POLR3B: variants seen among roughly 807,000 people sequenced by gnomAD.
POLR3B encodes the protein DNA-directed RNA polymerase III subunit RPC2.
In POLR3B, 96 loss-of-function variants were observed where a neutral mutation model predicts 147.4. The ratio of observed to expected loss-of-function variants is 0.65; its 90% CI spans 0.55 to 0.77. The LOEUF (loss-of-function observed/expected upper bound fraction) is 0.77, where lower values mean the gene tolerates loss of function less well. Among genes scored for constraint, POLR3B ranks in the 30% least tolerant of loss-of-function variants. The probability of loss-of-function intolerance (pLI) is 0.00; values close to 1 mark genes in which losing one functional copy is unlikely to be tolerated. For synonymous variants in POLR3B, 461 were observed against 485.9 expected, an observed-to-expected ratio of 0.95 and a Z score of 0.67; for missense variants, 1,036 against 1,413.5, an observed-to-expected ratio of 0.73 and a Z score of 4.28.
chr12:106,360,242 G>A (rs2036451228), intron 1 of POLR3B, among the ~76,000 whole-genome samples: 1 of 152,118 alleles, frequency 6.6e-6, no homozygotes, highest in African/African-American at 2.4e-5. Context: ...TTGCTCCCTT[G>A]GTTAAAGTTC....
intron 26 of POLR3B, 77 bp downstream of exon 26, chr12:106,501,513 C>A: frequency 2.2e-6 from 2 of 897,138 alleles, no homozygotes; most frequent in Non-Finnish European, 3.6e-6. Context: ...TGGCAAAAAG[C>A]AGACTCAACA....
At chr12:106,440,266 A>G (rs2037632538) in intron 18 of POLR3B, among the ~76,000 whole-genome samples, 1 of 151,850 alleles carries the variant, frequency 6.6e-6, no homozygotes, top group African/African-American at 2.4e-5. Context: ...CTTTTTCACT[A>G]CCTCAATCCA....
At chr12:106,379,933 A>C (rs1565878313) in intron 8 of POLR3B, 98 bp from the exon 9 acceptor site, 1 of 741,716 alleles carries the variant, frequency 1.3e-6, no homozygotes, top group Non-Finnish European at 2.4e-6. Flanking sequence ...GTTGTTGATC[A>C]GTTGACCCTT....
intron 14 of POLR3B, among the ~76,000 whole-genome samples, chr12:106,431,743 C>T (rs2037513867): frequency 6.6e-6 from 1 of 152,172 alleles, no homozygotes; most frequent in Admixed American, 6.5e-5. Context: ...AGTTGTCCCA[C>T]TGTTGTCTTT....
intron 9 of POLR3B, among the ~76,000 whole-genome samples, chr12:106,387,806 A>G (rs1159681707): frequency 6.6e-6 from 1 of 152,166 alleles, no homozygotes; most frequent in Non-Finnish European, 1.5e-5. Context: ...TAACTCATCT[A>G]TTAAGGTGAG....
chr12:106,449,006 C>T (rs952266194), intron 19 of POLR3B, among the ~76,000 whole-genome samples: 2 of 151,970 alleles, frequency 1.3e-5, no homozygotes, highest in Middle Eastern at 3.2e-3. Flanking sequence ...TCAGGAGCTC[C>T]GTTACTTATT....
intron 20 of POLR3B, among the ~76,000 whole-genome samples, chr12:106,455,075 CT>C (rs2037847514): frequency 6.6e-6 from 1 of 152,044 alleles, no homozygotes; most frequent in Non-Finnish European, 1.5e-5. Flanking sequence ...AACAACAAAC[CT>C]GTTTGAGAGG....
chr12:106,418,527 A>G (rs1288360089), intron 12 of POLR3B, among the ~76,000 whole-genome samples: 1 of 152,242 alleles, frequency 6.6e-6, no homozygotes, highest in Non-Finnish European at 1.5e-5. Flanking sequence ...ACGCCTAATT[A>G]GAATTCTCTG....
chr12:106,380,997 A>G lies in POLR3B; in HGVS notation c.723+858A>G, dbSNP rs117843754. On this transcript the variant is annotated intron_variant, in intron 9 of 27. Transcript: ENST00000228347. ...TATACTGTAGTCTGTTAAGTGTGCA[A>G]TAGCGTTATGTATAAAAAATATATG... Among the ~76,000 whole-genome samples, 13 of 152,342 alleles carry G rather than the reference A, an allele frequency of 8.5e-5. No individual in the cohort carries two copies. The East Asian group carries it at 2.1e-3, about 25-fold the overall frequency.
intron 4 of POLR3B, among the ~76,000 whole-genome samples, chr12:106,368,615 A>G (rs1386767686): frequency 6.6e-6 from 1 of 152,218 alleles, no homozygotes; most frequent in Non-Finnish European, 1.5e-5. Context: ...AAAATTTACT[A>G]GAGTGTAGGA....
At chr12:106,467,871 A>G (rs2137041386) in intron 23 of POLR3B, among the ~76,000 whole-genome samples, 1 of 152,170 alleles carries the variant, frequency 6.6e-6, no homozygotes, top group Admixed American at 6.5e-5. Flanking sequence ...TTTATTGAGG[A>G]TTTTCGCATC....
intron 27 of POLR3B, chr12:106,507,759 T>C (rs759361517): frequency 4.4e-6 from 2 of 455,928 alleles, no homozygotes; most frequent in East Asian, 1.4e-4. Context: ...TCTGTCTGCA[T>C]AGTTACCACC....
At chr12:106,423,330 TTTTTCACACC>T (rs1264310349) in intron 12 of POLR3B, among the ~76,000 whole-genome samples, 12 of 152,162 alleles carry the variant, frequency 7.9e-5, no homozygotes, top group Non-Finnish European at 1.6e-4. Flanking sequence ...ATGACTAAAA[TTTTTCACACC>T]TTTTCACACA....
intron 15 of POLR3B, 112 bp downstream of exon 15, chr12:106,432,592 T>C (rs2037525437): frequency 3.3e-6 from 3 of 907,250 alleles, no homozygotes; most frequent in East Asian, 2.4e-5. Flanking sequence ...TGGGCCCAGG[T>C]TGACCTTCAC....
chr12:106,436,955 G>C, intron 16 of POLR3B, 102 bp from the exon 17 acceptor site: 1 of 871,510 alleles, frequency 1.1e-6, no homozygotes, highest in Non-Finnish European at 1.9e-6. Flanking sequence ...GAATAGGTTT[G>C]TTTGTATTTA....
intron 15 of POLR3B, 26 bp downstream of exon 15, chr12:106,432,506 G>T (rs2037524108): frequency 1.3e-6 from 2 of 1,572,752 alleles, no homozygotes; most frequent in Admixed American, 3.3e-5. Context: ...AGACATGTTG[G>T]TCCTAGATAG....
At chr12:106,485,879 A>T (rs1325928354) in intron 23 of POLR3B, among the ~76,000 whole-genome samples, 2 of 152,148 alleles carry the variant, frequency 1.3e-5, no homozygotes, top group Non-Finnish European at 2.9e-5. Flanking sequence ...CATGCTGTTT[A>T]TCTCCACATT....
At chr12:106,399,621 C>G (rs920935306) in intron 10 of POLR3B, among the ~76,000 whole-genome samples, 1 of 152,158 alleles carries the variant, frequency 6.6e-6, no homozygotes, top group Non-Finnish European at 1.5e-5. Flanking sequence ...AGACTAACAG[C>G]GGATCTCTCA....
At chr12:106,458,686 G>A (rs1445364222) in intron 21 of POLR3B, among the ~76,000 whole-genome samples, 1 of 152,076 alleles carries the variant, frequency 6.6e-6, no homozygotes, top group Admixed American at 6.6e-5. Context: ...CCCTCCCTCT[G>A]CCTTTGTTTC....
Sources: allele counts gnomAD v4.1 joint callset (sites outside exome capture counted in the v4.1 genomes callset), GRCh38; gene constraint gnomAD v4.1.1; transcripts MANE v1.5; gene names NCBI Gene and HGNC (gene_info 2026-07-23, HGNC 2026-07-21).